INSYN2B: variants seen among roughly 807,000 people sequenced by gnomAD.
The protein encoded by INSYN2B is inhibitory synaptic factor family member 2B, also known as protein INSYN2B.
INSYN2B carries 16 observed loss-of-function variants against 41.2 expected under a neutral mutation model. The ratio of observed to expected loss-of-function variants is 0.39; its 90% CI spans 0.26 to 0.59. The LOEUF (loss-of-function observed/expected upper bound fraction) is 0.59. INSYN2B is among the 20% of genes least tolerant of loss of function. The pLI, the probability that INSYN2B is intolerant of heterozygous loss-of-function variation, is 0.57. For missense variants in INSYN2B, 608 were observed against 646.4 expected (o/e 0.94, Z 0.64); for synonymous variants, 245 against 244.4 (o/e 1.00, Z -0.02).
At chr5:169,950,799 C>T (rs1241750044) in intron 1 of INSYN2B, among the ~76,000 whole-genome samples, 1 of 152,178 alleles carries the variant, frequency 6.6e-6, no homozygotes, top group African/African-American at 2.4e-5. Flanking sequence ...TGTGATGAAC[C>T]ACCAGCTTCA....
chr5:169,883,225 C>G lies in INSYN2B; in HGVS notation c.674G>C (p.Arg225Thr), dbSNP rs1040837640. The change falls in exon 2 of 4, where the codon AGG becomes ACG. Residue 225 changes from arginine to threonine, a missense_variant. Coordinates refer to ENST00000377365, the MANE Select transcript of INSYN2B (RefSeq NM_001129891.3). ...TATGGAGTTACTTACTTCAGCTGAC[C>G]TGTCTGGGCTGAGAGCAGACTCTCT... is the stretch of plus-strand genomic sequence containing the variant. The part of the protein sequence containing the change: ...EARESALSPD[R>T]SAEVSNSIHP... 1 of 1,551,620 alleles carries G rather than the reference C, an allele frequency of 6.4e-7. No individual in the cohort carries two copies. Among genetic ancestry groups the G allele is most frequent in the Non-Finnish European group, 8.7e-7 (1 of 1,146,948 alleles).
At chr5:169,959,955 G>A (rs1438158145) in intron 1 of INSYN2B, among the ~76,000 whole-genome samples, 3 of 152,214 alleles carry the variant, frequency 2.0e-5, no homozygotes, top group Non-Finnish European at 4.4e-5. Context: ...TTCTGTTGAG[G>A]TCCAGATAAG....
At chr5:169,922,585 T>C (rs1468605635) in intron 1 of INSYN2B, among the ~76,000 whole-genome samples, 2 of 152,238 alleles carry the variant, frequency 1.3e-5, no homozygotes, top group Non-Finnish European at 2.9e-5. Flanking sequence ...ATTTGCAGTT[T>C]AGAGAATATC....
rs1039357715 is a variant in INSYN2B, at chr5:169,928,879, G to A, written c.-918-44063C>T. On this transcript the variant is annotated intron_variant, in intron 1 of 3. Transcript: ENST00000377365. ...ATTGTGCACATGATGCTCACTCTAT[G>A]CCCTGGGTGTTTCTGTTCCTGCTTG... Among the ~76,000 whole-genome samples the A allele has an allele frequency of 5.9e-5, 9 of 152,298 alleles. No homozygotes were observed. In the East Asian group the frequency reaches 1.5e-3, roughly 26 times the overall value.
At chr5:169,952,687 A>T (rs1327693291) in intron 1 of INSYN2B, among the ~76,000 whole-genome samples, 1 of 152,160 alleles carries the variant, frequency 6.6e-6, no homozygotes, top group Admixed American at 6.5e-5. Flanking sequence ...AATCCCGTGG[A>T]TATCATGCTC....
Position 169,927,304 on chromosome 5 carries a change from G to C in INSYN2B, c.-918-42488C>G, listed in dbSNP as rs377201008. ...TTGTAGGCCACAGTAAGGGGGTTGA[G>C]TTGTAATGCAAGGCAGAGTTCTCAA... On this transcript the variant is annotated intron_variant, in intron 1 of 3. Coordinates refer to ENST00000377365, the MANE Select transcript of INSYN2B (RefSeq NM_001129891.3). Among the ~76,000 whole-genome samples the C allele has an allele frequency of 3.0e-4, 46 of 152,304 alleles. 1 individual carries two copies. Among genetic ancestry groups the C allele is most frequent in the South Asian group, 2.1e-3 (10 of 4,824 alleles).
chr5:169,932,715 G>A (rs1039342578), intron 1 of INSYN2B, among the ~76,000 whole-genome samples: 1 of 152,126 alleles, frequency 6.6e-6, no homozygotes, highest in African/African-American at 2.4e-5. Flanking sequence ...GTCTCCAGAA[G>A]TGACTTATAT....
At chr5:169,976,842 A>G (rs1370882143) in intron 1 of INSYN2B, among the ~76,000 whole-genome samples, 2 of 152,208 alleles carry the variant, frequency 1.3e-5, no homozygotes, top group African/African-American at 2.4e-5. Context: ...GTACAGATGG[A>G]ACATGTCAGG....
Position 169,882,848 on chromosome 5 carries a change from C to T in INSYN2B, c.1051G>A (p.Ala351Thr), listed in dbSNP as rs1001204172. The change falls in exon 2 of 4, where the codon GCC (alanine) becomes ACC (threonine). Residue 351 changes from alanine (A) to threonine (T), a missense_variant. Physicochemically the swap from Ala to Thr is moderately conservative, Grantham distance 58. Coordinates refer to ENST00000377365, the MANE Select transcript of INSYN2B (RefSeq NM_001129891.3). The stretch of plus-strand genomic sequence containing the variant: ...GCCGTCTGCTCCTGACACCCAGGGG[C>T]AGATTTCGATGCACTGTTAGTTTTG... ...SLKTNSASKS[A>T]PGCQEQTANN... The T allele has an allele frequency of 1.9e-6, 3 of 1,550,962 alleles. No individual in the cohort carries two copies. Among genetic ancestry groups the T allele is most frequent in the Non-Finnish European group, 2.6e-6 (3 of 1,146,372 alleles).
Position 169,871,194 on chromosome 5 carries a change from T to C in INSYN2B, c.1422-6735A>G, listed in dbSNP as rs576439128. Among the ~76,000 whole-genome samples the C allele has an allele frequency of 1.1e-4, 16 of 152,290 alleles. 1 individual carries two copies. The South Asian group carries it at 3.3e-3, about 32-fold the overall frequency. ...TAGGAATTAATCTGAATTTGAAGGG[T>C]ACACAAACATTCAGTCTATTCACCT... On this transcript the variant is annotated intron_variant, in intron 3 of 3. Transcript: ENST00000377365.
At chr5:169,950,526 CT>C (rs1368445072) in intron 1 of INSYN2B, among the ~76,000 whole-genome samples, 1 of 152,180 alleles carries the variant, frequency 6.6e-6, no homozygotes, top group Non-Finnish European at 1.5e-5. Context: ...AACATGGCCC[CT>C]CTCTTGTAGC....
intron 1 of INSYN2B, among the ~76,000 whole-genome samples, chr5:169,936,717 T>C (rs999114397): frequency 2.6e-5 from 4 of 151,744 alleles, no homozygotes; most frequent in African/African-American, 9.7e-5. Flanking sequence ...CTCCAGCCTA[T>C]ATAGATTTGG....
At chr5:169,905,047 A>G (rs1452260674) in intron 1 of INSYN2B, among the ~76,000 whole-genome samples, 2 of 152,184 alleles carry the variant, frequency 1.3e-5, no homozygotes, top group Non-Finnish European at 2.9e-5. Flanking sequence ...TGACACTCTC[A>G]TGGGGCTGAG....
chr5:169,928,457 G>C (rs1179885973), intron 1 of INSYN2B, among the ~76,000 whole-genome samples: 2 of 152,178 alleles, frequency 1.3e-5, no homozygotes, highest in Non-Finnish European at 2.9e-5. Context: ...AGTTCTACCA[G>C]AGCCAGCCTC....
At chr5:169,896,037 G>T (rs940991348) in intron 1 of INSYN2B, among the ~76,000 whole-genome samples, 6 of 152,140 alleles carry the variant, frequency 3.9e-5, no homozygotes, top group African/African-American at 1.4e-4. Flanking sequence ...GATCCTTTCT[G>T]GGCCAACGAC....
intron 1 of INSYN2B, among the ~76,000 whole-genome samples, chr5:169,968,677 A>G (rs1284348925): frequency 6.6e-6 from 1 of 152,148 alleles, no homozygotes; most frequent in Admixed American, 6.5e-5. Flanking sequence ...CACATTTTTC[A>G]ATTTTATCAC....
At chr5:169,943,062 C>A (rs967743606) in intron 1 of INSYN2B, among the ~76,000 whole-genome samples, 2 of 152,058 alleles carry the variant, frequency 1.3e-5, no homozygotes, top group East Asian at 1.9e-4. Flanking sequence ...GCTGGAGGAA[C>A]CTGCAGGTCT....
chr5:169,903,999 A>G lies in INSYN2B; in HGVS notation c.-918-19183T>C, dbSNP rs373908972. On this transcript the variant is annotated intron_variant, in intron 1 of 3. Transcript: ENST00000377365. ...CCCAGTTACTCGGGAGGGCTGAGGC[A>G]TGAGAATTGCTTGAGCCTGGGAGGC... 1.4e-3 allele frequency among the ~76,000 whole-genome samples: 214 copies of G among 150,546 alleles called. 4 individuals are homozygous for G. In the South Asian group the frequency reaches 0.04, roughly 28 times the overall value.
At position 169,965,005 on chromosome 5, in the gene INSYN2B, T is replaced by G. The variant is rs369958935; in HGVS notation, c.-919+15272A>C. 2.8e-4 allele frequency among the ~76,000 whole-genome samples: 43 copies of G among 152,366 alleles called. 1 individual carries two copies. In the South Asian group the frequency reaches 8.3e-3, roughly 29 times the overall value. On this transcript the variant is annotated intron_variant, in intron 1 of 3. Transcript: ENST00000377365. ...GCTCCTTGAGAGAAGGAGCCAGGTCTGATTCCCTTTTGAATCAATTCATTC... is the reference window on the plus strand; with the variant it reads ...GCTCCTTGAGAGAAGGAGCCAGGTCGGATTCCCTTTTGAATCAATTCATTC...
Sources: allele counts gnomAD v4.1 joint callset (sites outside exome capture counted in the v4.1 genomes callset), GRCh38; gene constraint gnomAD v4.1.1; transcripts MANE v1.5; gene names NCBI Gene and HGNC (gene_info 2026-07-23, HGNC 2026-07-21).